The following DPP10 variants were observed in gnomAD, a reference collection of about 807,000 sequenced individuals.
DPP10 encodes the protein dipeptidyl peptidase like 10.
Under a neutral mutation model 120.9 loss-of-function variants are expected in DPP10, and 33 were observed. The ratio of observed to expected loss-of-function variants is 0.27; its 90% CI spans 0.21 to 0.37. DPP10 has a LOEUF of 0.37. Ranked by LOEUF, DPP10 falls within the 10% of genes least tolerant of loss-of-function variation. The pLI, the probability that DPP10 is intolerant of heterozygous loss-of-function variation, is 1.00. For synonymous variants in DPP10, 337 were observed against 326.1 expected, an observed-to-expected ratio of 1.03 and a Z score of -0.36; for missense variants, 816 against 942.8, an observed-to-expected ratio of 0.87 and a Z score of 1.76.
chr2:114,706,221 C>T (rs971755664), intron 1 of DPP10, among the ~76,000 whole-genome samples: 2 of 152,146 alleles, frequency 1.3e-5, no homozygotes, highest in African/African-American at 2.4e-5. Context: ...TAGAATTATA[C>T]AAGCCTGTCT....
At chr2:114,836,950 G>A (rs1330496579) in intron 1 of DPP10, among the ~76,000 whole-genome samples, 8 of 152,214 alleles carry the variant, frequency 5.3e-5, no homozygotes, top group South Asian at 4.1e-4. Flanking sequence ...GGTGGTCAGA[G>A]TTTAAGGTTA....
At chr2:115,836,363 C>A in intron 22 of DPP10, 107 bp downstream of exon 22, 1 of 1,369,880 alleles carries the variant, frequency 7.3e-7, no homozygotes, top group Non-Finnish European at 1.0e-6. Context: ...GTTATTAGAG[C>A]CTGTTTTCAG....
At chr2:115,219,205 T>TCC (rs2057002559) in intron 1 of DPP10, among the ~76,000 whole-genome samples, 2 of 152,280 alleles carry the variant, frequency 1.3e-5, no homozygotes, top group East Asian at 3.9e-4. Flanking sequence ...ATAACATAGG[T>TCC]CTGCATTGAC....
chr2:115,340,738 A>G (rs988397211), intron 2 of DPP10, among the ~76,000 whole-genome samples: 1 of 151,586 alleles, frequency 6.6e-6, no homozygotes, highest in African/African-American at 2.4e-5. Flanking sequence ...AAACAGATGC[A>G]TGCATATAAA....
chr2:115,311,675 A>G (rs772534422), intron 2 of DPP10, among the ~76,000 whole-genome samples: 9 of 152,324 alleles, frequency 5.9e-5, no homozygotes, highest in Non-Finnish European at 1.0e-4. Context: ...AAACATTTAG[A>G]AAATACACAT....
In DPP10 at chr2:114,477,963, ATGTATATATG is replaced by A. The variant is rs1465728136; in HGVS notation, c.60+35137_60+35146del. Among the ~76,000 whole-genome samples, 6 of 148,458 alleles carry A rather than the reference ATGTATATATG, an allele frequency of 4.0e-5. No homozygotes were observed. In the South Asian group the frequency reaches 1.0e-3, roughly 26 times the overall value. ...TATATATGTACATATATGTGTGTAT[ATGTATATATG>A]TGTATATATGTACATATATGTGTAT... On this transcript the variant is annotated intron_variant, in intron 1 of 25. Coordinates refer to ENST00000410059, the MANE Select transcript of DPP10 (RefSeq NM_020868.6).
intron 5 of DPP10, among the ~76,000 whole-genome samples, chr2:115,552,826 G>A (rs1558838436): frequency 6.6e-6 from 1 of 151,978 alleles, no homozygotes. Flanking sequence ...ACATAAGGCA[G>A]GGAAGACCAA....
intron 7 of DPP10, among the ~76,000 whole-genome samples, chr2:115,715,652 A>G (rs1256135017): frequency 1.3e-5 from 2 of 152,254 alleles, no homozygotes; most frequent in Non-Finnish European, 2.9e-5. Context: ...TTAGGACTGC[A>G]GTGAAACTGT....
chr2:114,609,771 C>A (rs1360868259), intron 1 of DPP10, among the ~76,000 whole-genome samples: 1 of 152,146 alleles, frequency 6.6e-6, no homozygotes, highest in Non-Finnish European at 1.5e-5. Context: ...TACTAGGTGA[C>A]ATAGACTAAA....
At chr2:114,716,248 G>A (rs890322053) in intron 1 of DPP10, among the ~76,000 whole-genome samples, 1 of 152,056 alleles carries the variant, frequency 6.6e-6, no homozygotes, top group Non-Finnish European at 1.5e-5. Context: ...GCTTAAAATT[G>A]CATACCGAAA....
intron 1 of DPP10, among the ~76,000 whole-genome samples, chr2:115,206,678 G>A (rs1449702232): frequency 6.6e-6 from 1 of 152,142 alleles, no homozygotes; most frequent in African/African-American, 2.4e-5. Flanking sequence ...TTTGGCAGGG[G>A]ATGGGTTGTG....
chr2:115,009,916 G>A (rs906425356), intron 1 of DPP10, among the ~76,000 whole-genome samples: 5 of 152,064 alleles, frequency 3.3e-5, no homozygotes, highest in Non-Finnish European at 5.9e-5. Context: ...TTTAAAATGT[G>A]GTATGATAAG....
chr2:115,389,278 A>AC (rs2067166457), intron 3 of DPP10, among the ~76,000 whole-genome samples: 11 of 149,742 alleles, frequency 7.3e-5, no homozygotes, highest in East Asian at 4.0e-4. Flanking sequence ...CACACACACA[A>AC]ACACACACAC....
intron 1 of DPP10, among the ~76,000 whole-genome samples, chr2:114,533,629 T>A (rs1312242439): frequency 6.6e-6 from 1 of 151,082 alleles, no homozygotes; most frequent in African/African-American, 2.4e-5. Flanking sequence ...AAATAAAAAT[T>A]AAAAAAAAAG....
intron 1 of DPP10, among the ~76,000 whole-genome samples, chr2:114,615,484 G>A (rs902615952): frequency 2.6e-5 from 4 of 152,122 alleles, no homozygotes; most frequent in Non-Finnish European, 5.9e-5. Context: ...AAGATCTAGT[G>A]CTTAGCAGAG....
At position 115,781,111 on chromosome 2, in the gene DPP10, T is replaced by C. The variant is rs1262636269; in HGVS notation, c.1483+116T>C. ...TTTCATAATCTTAATTTATAAATTTTTGTTAATAGGATATACATTATATAT... is the reference window on the plus strand; with the variant it reads ...TTTCATAATCTTAATTTATAAATTTCTGTTAATAGGATATACATTATATAT... On this transcript the variant is annotated intron_variant, in intron 16 of 25. Transcript: ENST00000410059. The C allele has an allele frequency of 4.7e-6, 4 of 847,046 alleles. No homozygotes were observed. In the East Asian group the frequency reaches 9.2e-5, roughly 19 times the overall value. 52.5% of individuals were successfully genotyped at this position (847,046 alleles called of 1,614,324 possible).
intron 3 of DPP10, among the ~76,000 whole-genome samples, chr2:115,382,664 G>A (rs2066493063): frequency 6.6e-6 from 1 of 152,148 alleles, no homozygotes; most frequent in Admixed American, 6.5e-5. Context: ...AGAGGTATGA[G>A]GTAAAAGTAG....
At chr2:114,732,520 G>A (rs1215550114) in intron 1 of DPP10, among the ~76,000 whole-genome samples, 2 of 152,198 alleles carry the variant, frequency 1.3e-5, no homozygotes, top group African/African-American at 4.8e-5. Flanking sequence ...ACATAAGCTT[G>A]TGTGAGATCA....
chr2:115,626,991 T>C (rs1419535377), intron 5 of DPP10, among the ~76,000 whole-genome samples: 5 of 152,156 alleles, frequency 3.3e-5, no homozygotes. Context: ...CAGAAAGCAA[T>C]GGCATACTCA....
Sources: allele counts gnomAD v4.1 joint callset (sites outside exome capture counted in the v4.1 genomes callset), GRCh38; gene constraint gnomAD v4.1.1; transcripts MANE v1.5; gene names NCBI Gene and HGNC (gene_info 2026-07-23, HGNC 2026-07-21).